EPHA6: variants seen among roughly 807,000 people sequenced by gnomAD.
The protein encoded by EPHA6 is ephrin type-A receptor 6.
In EPHA6, 50 loss-of-function variants were observed where a neutral mutation model predicts 112.0. The observed-to-expected ratio is 0.45, with a 90% CI of 0.36 to 0.56. The LOEUF (loss-of-function observed/expected upper bound fraction) is 0.56. Among genes scored for constraint, EPHA6 ranks in the 20% least tolerant of loss-of-function variants. The pLI, the probability that EPHA6 is intolerant of heterozygous loss-of-function variation, is 0.00. For missense variants in EPHA6, 1,280 were observed against 1,417.4 expected, an observed-to-expected ratio of 0.90 and a Z score of 1.56; for synonymous variants, 529 against 490.7, an observed-to-expected ratio of 1.08 and a Z score of -1.03.
intron 14 of EPHA6, among the ~76,000 whole-genome samples, chr3:97,684,202 C>A (rs1409169613): frequency 6.6e-6 from 1 of 152,004 alleles, no homozygotes; most frequent in Non-Finnish European, 1.5e-5. Flanking sequence ...CAGCACGTTT[C>A]ATATTTAGCA....
rs533530991 is a variant in EPHA6, at chr3:97,386,762, C to T, written c.1607-18388C>T. On this transcript the variant is annotated intron_variant, in intron 5 of 17. Coordinates refer to ENST00000389672, the MANE Select transcript of EPHA6 (RefSeq NM_001080448.3). ...TTGGGGCTCCATCCCAACATTTGCCCTTTGCACTGCCATAGTAGAGGTTCT... is the reference window on the plus strand; with the variant it reads ...TTGGGGCTCCATCCCAACATTTGCCTTTTGCACTGCCATAGTAGAGGTTCT... 4.6e-5 allele frequency among the ~76,000 whole-genome samples: 7 copies of T among 152,340 alleles called. No homozygotes were observed. In the South Asian group the frequency reaches 1.2e-3, roughly 27 times the overall value.
intron 5 of EPHA6, among the ~76,000 whole-genome samples, chr3:97,287,480 AC>A (rs2080514024): frequency 1.3e-5 from 2 of 151,230 alleles, no homozygotes; most frequent in East Asian, 1.9e-4. Context: ...CAAAAAAAAA[AC>A]AAACAAAACA....
intron 5 of EPHA6, among the ~76,000 whole-genome samples, chr3:97,380,930 T>C (rs569587096): frequency 6.6e-6 from 1 of 152,230 alleles, no homozygotes; most frequent in South Asian, 2.1e-4. Context: ...TAGTTTTATT[T>C]TATTCATGAT....
chr3:97,065,714 A>G (rs1037416904), intron 3 of EPHA6, among the ~76,000 whole-genome samples: 1 of 152,118 alleles, frequency 6.6e-6, no homozygotes, highest in Admixed American at 6.6e-5. Flanking sequence ...TTGTTGTCAC[A>G]TTAAATGAGT....
intron 14 of EPHA6, among the ~76,000 whole-genome samples, chr3:97,644,181 A>T (rs920134634): frequency 4.6e-5 from 7 of 152,140 alleles, no homozygotes; most frequent in African/African-American, 1.7e-4. Flanking sequence ...CCTGCTCCTG[A>T]ATGACTACTG....
chr3:97,022,295 C>T (rs1331394518), intron 3 of EPHA6, among the ~76,000 whole-genome samples: 2 of 152,134 alleles, frequency 1.3e-5, no homozygotes, highest in Non-Finnish European at 2.9e-5. Context: ...TTCCAGTAAT[C>T]ACCCCAGCTA....
intron 1 of EPHA6, among the ~76,000 whole-genome samples, chr3:96,827,703 A>G (rs1225660287): frequency 1.3e-5 from 2 of 152,152 alleles, no homozygotes; most frequent in Non-Finnish European, 2.9e-5. Context: ...TATTTATAAA[A>G]TGGGAGAATT....
In EPHA6 at chr3:97,329,444, G is replaced by C. The variant is rs984307094; in HGVS notation, c.1607-75706G>C. Among the ~76,000 whole-genome samples the C allele has an allele frequency of 8.0e-5, 12 of 149,464 alleles. No homozygotes were observed. In the South Asian group the frequency reaches 1.7e-3, roughly 21 times the overall value. On this transcript the variant is annotated intron_variant, in intron 5 of 17. Coordinates refer to ENST00000389672, the MANE Select transcript of EPHA6 (RefSeq NM_001080448.3). ...TTACAGTCCCACCAACAGTGTAAAA[G>C]TGTTCCTATTTCTCCACATCCTCTC... is the stretch of plus-strand genomic sequence containing the variant.
chr3:97,122,470 A>G (rs1286628270), intron 3 of EPHA6, among the ~76,000 whole-genome samples: 1 of 152,046 alleles, frequency 6.6e-6, no homozygotes, highest in East Asian at 1.9e-4. Flanking sequence ...TTGATTTTAT[A>G]TGTTCCATTT....
chr3:97,653,860 G>A (rs995503954), intron 14 of EPHA6, among the ~76,000 whole-genome samples: 20 of 151,932 alleles, frequency 1.3e-4, no homozygotes, highest in African/African-American at 4.8e-4. Context: ...GAACGTAGAG[G>A]ACATTATGCT....
chr3:96,967,203 CACACTT>C (rs1176121114), intron 2 of EPHA6, among the ~76,000 whole-genome samples: 1 of 150,806 alleles, frequency 6.6e-6, no homozygotes, highest in African/African-American at 2.4e-5. Flanking sequence ...CACACACACA[CACACTT>C]TATGTAACAT....
At chr3:97,539,807 G>A (rs916620498) in intron 11 of EPHA6, among the ~76,000 whole-genome samples, 1 of 152,190 alleles carries the variant, frequency 6.6e-6, no homozygotes, top group African/African-American at 2.4e-5. Flanking sequence ...GATGTGAGAA[G>A]CAGGATCATT....
At chr3:97,144,986 C>T (rs926091405) in intron 3 of EPHA6, among the ~76,000 whole-genome samples, 2 of 151,356 alleles carry the variant, frequency 1.3e-5, no homozygotes, top group Non-Finnish European at 1.5e-5. Flanking sequence ...TCTATCAATG[C>T]GCTCCTATTT....
At chr3:97,492,609 G>GCAT (rs987149494) in intron 10 of EPHA6, among the ~76,000 whole-genome samples, 6 of 115,212 alleles carry the variant, frequency 5.2e-5, no homozygotes, top group Non-Finnish European at 1.0e-4. Context: ...GGATAATGTA[G>GCAT]CATCTCAGAC....
At chr3:96,916,310 A>G (rs1173673876) in intron 2 of EPHA6, among the ~76,000 whole-genome samples, 3 of 152,166 alleles carry the variant, frequency 2.0e-5, no homozygotes, top group Admixed American at 2.0e-4. Context: ...TAAAACAGAA[A>G]GGAGTAATAG....
In EPHA6 at chr3:96,855,572, G is replaced by A. The variant is rs556443389; in HGVS notation, c.386-11253G>A. ...AACATGTTACATTTGAGAGGCCTCC[G>A]AATTGTATCTGAAGCATAGAGGGAA... On this transcript the variant is annotated intron_variant, in intron 1 of 17. Transcript: ENST00000389672. Among the ~76,000 whole-genome samples, 16 of 151,920 alleles carry A rather than the reference G, an allele frequency of 1.1e-4. No homozygotes were observed. In the East Asian group the frequency reaches 1.2e-3, roughly 11 times the overall value.
chr3:97,182,051 T>A (rs564462584), intron 3 of EPHA6, among the ~76,000 whole-genome samples: 1 of 152,256 alleles, frequency 6.6e-6, no homozygotes, highest in South Asian at 2.1e-4. Flanking sequence ...TGAATCATTC[T>A]GGTGGCCATA....
intron 1 of EPHA6, among the ~76,000 whole-genome samples, chr3:96,816,352 A>AT (rs1185730705): frequency 2.0e-5 from 3 of 152,150 alleles, no homozygotes; most frequent in Non-Finnish European, 2.9e-5. Context: ...CACATAATAG[A>AT]TATCAGTTAC....
intron 11 of EPHA6, among the ~76,000 whole-genome samples, chr3:97,553,731 C>G (rs2093063001): frequency 6.6e-6 from 1 of 152,096 alleles, no homozygotes; most frequent in Non-Finnish European, 1.5e-5. Context: ...CAAACCATAT[C>G]ACATTGTATC....
Sources: allele counts gnomAD v4.1 joint callset (sites outside exome capture counted in the v4.1 genomes callset), GRCh38; gene constraint gnomAD v4.1.1; transcripts MANE v1.5; gene names NCBI Gene and HGNC (gene_info 2026-07-23, HGNC 2026-07-21).